The following GRID1 variants were observed in gnomAD, a reference collection of about 807,000 sequenced individuals.
GRID1 encodes glutamate ionotropic receptor delta type subunit 1.
In GRID1, 28 loss-of-function variants were observed where a neutral mutation model predicts 98.0. The observed-to-expected ratio is 0.29, with a 90% confidence interval of 0.21 to 0.39. GRID1 has a LOEUF of 0.39. GRID1 is among the 10% of genes least tolerant of loss of function. The pLI is 1.00. For synonymous variants in GRID1, 553 were observed against 538.5 expected (o/e 1.03, Z -0.37); for missense variants, 1,111 against 1,340.5 (o/e 0.83, Z 2.67).
chr10:85,852,838 G>C (rs191333346), intron 8 of GRID1, among the ~76,000 whole-genome samples: 16 of 152,208 alleles, frequency 1.1e-4, no homozygotes, highest in Middle Eastern at 6.8e-3. Context: ...CTGGCTTCCT[G>C]GACATTGCAG....
intron 2 of GRID1, among the ~76,000 whole-genome samples, chr10:86,324,132 T>C (rs1461015023): frequency 1.3e-5 from 2 of 152,106 alleles, no homozygotes; most frequent in Admixed American, 6.6e-5. Context: ...TGAGCCGAAA[T>C]TGTGCCACTG....
rs1360534043 is a variant in GRID1, at chr10:86,366,700, C to A, written c.-308G>T. ...GCAGCGGCGCTTCCCGCGGCTAGAG[C>A]GGCTTCGGGGGAGGCTGAGGCGGTG... On this transcript the variant is annotated 5_prime_UTR_variant, in exon 1 of 16. Coordinates refer to ENST00000327946, the MANE Select transcript of GRID1 (RefSeq NM_017551.3). The surrounding 1 kb of genome is among the most constrained non-coding windows in gnomAD (Gnocchi z 4.1). 6.7e-6 allele frequency among the ~76,000 whole-genome samples: 1 copy of A among 149,652 alleles called. No homozygotes were observed. Among genetic ancestry groups the A allele is most frequent in the Non-Finnish European group, 1.5e-5 (1 of 66,710 alleles).
chr10:85,655,920 T>C (rs1045207878), intron 12 of GRID1, among the ~76,000 whole-genome samples: 1 of 152,018 alleles, frequency 6.6e-6, no homozygotes, highest in African/African-American at 2.4e-5. Flanking sequence ...TTCCTCACCA[T>C]GAAATTATTT....
intron 5 of GRID1, among the ~76,000 whole-genome samples, chr10:85,896,027 T>A (rs920400043): frequency 1.3e-5 from 2 of 149,490 alleles, no homozygotes; most frequent in African/African-American, 4.9e-5. Context: ...CATTGAAAGT[T>A]CAACATAAGA....
At chr10:85,783,511 C>G (rs149259926) in intron 8 of GRID1, among the ~76,000 whole-genome samples, 6 of 152,258 alleles carry the variant, frequency 3.9e-5, no homozygotes, top group African/African-American at 1.4e-4. Flanking sequence ...TGGCATTGCC[C>G]AGAAACCCAC....
intron 5 of GRID1, among the ~76,000 whole-genome samples, chr10:85,908,060 A>G (rs1841486633): frequency 6.6e-6 from 1 of 152,194 alleles, no homozygotes; most frequent in Non-Finnish European, 1.5e-5. Context: ...TAAACAACTT[A>G]CAGCTAACCT....
At chr10:86,029,487 A>T (rs1342631027) in intron 4 of GRID1, among the ~76,000 whole-genome samples, 1 of 152,192 alleles carries the variant, frequency 6.6e-6, no homozygotes, top group Non-Finnish European at 1.5e-5. Context: ...TCATTCTTGT[A>T]CTTTATGCAA....
In GRID1 at chr10:86,199,424, G is replaced by T. The variant is rs147105902; in HGVS notation, c.520+6940C>A. On this transcript the variant is annotated intron_variant, in intron 3 of 15. Coordinates refer to ENST00000327946, the MANE Select transcript of GRID1 (RefSeq NM_017551.3). Reference sequence around the variant, plus strand: ...ATCAAAAATGCCACAATAAATCTTTGTACATCAAGCAAAGACTCTACCACG... The same window carrying T: ...ATCAAAAATGCCACAATAAATCTTTTTACATCAAGCAAAGACTCTACCACG... Among the ~76,000 whole-genome samples, 958 of 152,214 alleles carry T rather than the reference G, an allele frequency of 6.3e-3. 13 individuals carry two copies. Among genetic ancestry groups the T allele is most frequent in the African/African-American group, 0.022 (914 of 41,552 alleles).
chr10:86,156,012 T>C (rs994139362), intron 3 of GRID1, among the ~76,000 whole-genome samples: 2 of 152,216 alleles, frequency 1.3e-5, no homozygotes, highest in African/African-American at 2.4e-5. Flanking sequence ...CCTTCCTAGC[T>C]GAGCACTGTC....
intron 2 of GRID1, among the ~76,000 whole-genome samples, chr10:86,247,445 T>G (rs1589425391): frequency 6.6e-6 from 1 of 151,780 alleles, no homozygotes; most frequent in Admixed American, 6.6e-5. Context: ...GTTGGCTGGG[T>G]GGGTAGAAAG....
At chr10:86,256,104 T>C (rs1846913823) in intron 2 of GRID1, among the ~76,000 whole-genome samples, 1 of 152,200 alleles carries the variant, frequency 6.6e-6, no homozygotes, top group African/African-American at 2.4e-5. Context: ...TGTGTGAATT[T>C]TGTCTGTGTG....
chr10:85,721,519 T>C (rs1841702713), intron 12 of GRID1, among the ~76,000 whole-genome samples: 1 of 152,218 alleles, frequency 6.6e-6, no homozygotes, highest in Admixed American at 6.5e-5. Flanking sequence ...ATATGTGATA[T>C]AATCAAAGCA....
intron 8 of GRID1, among the ~76,000 whole-genome samples, chr10:85,842,195 G>T (rs1842967161): frequency 6.6e-6 from 1 of 152,016 alleles, no homozygotes; most frequent in Non-Finnish European, 1.5e-5. Flanking sequence ...GGAGCTGGAG[G>T]CCATTATCCT....
chr10:86,294,716 C>T (rs764755943), intron 2 of GRID1, among the ~76,000 whole-genome samples: 79 of 152,272 alleles, frequency 5.2e-4, no homozygotes, highest in Admixed American at 2.0e-3. Context: ...CCAGAGCTAA[C>T]GAGAGAGGCA....
intron 4 of GRID1, among the ~76,000 whole-genome samples, chr10:86,079,715 T>A (rs1469053991): frequency 6.6e-6 from 1 of 152,164 alleles, no homozygotes; most frequent in African/African-American, 2.4e-5. Context: ...AGCACCTCCA[T>A]CATGCGGCTA....
At chr10:86,134,839 T>A (rs1844891891) in intron 4 of GRID1, among the ~76,000 whole-genome samples, 1 of 152,178 alleles carries the variant, frequency 6.6e-6, no homozygotes, top group Admixed American at 6.5e-5. Context: ...CCAGAGGACA[T>A]CACTCTGTCT....
chr10:86,199,525 C>A (rs947405301), intron 3 of GRID1, among the ~76,000 whole-genome samples: 15 of 152,110 alleles, frequency 9.9e-5, no homozygotes, highest in African/African-American at 2.9e-4. Context: ...GCTGGCCAGC[C>A]CCCAACTCTC....
chr10:85,850,615 G>A (rs1474702270), intron 8 of GRID1, among the ~76,000 whole-genome samples: 2 of 152,208 alleles, frequency 1.3e-5, no homozygotes, highest in African/African-American at 4.8e-5. Flanking sequence ...TCAGGCTGGA[G>A]GCTGTGTTTT....
At chr10:86,322,859 A>G (rs1847990080) in intron 2 of GRID1, among the ~76,000 whole-genome samples, 1 of 151,602 alleles carries the variant, frequency 6.6e-6, no homozygotes. Context: ...TGGGAGGCCA[A>G]GGCAGGCAGA....
Sources: allele counts gnomAD v4.1 joint callset (sites outside exome capture counted in the v4.1 genomes callset), GRCh38; gene constraint gnomAD v4.1.1; non-coding constraint Gnocchi (gnomAD v3.1); transcripts MANE v1.5; gene names NCBI Gene and HGNC (gene_info 2026-07-23, HGNC 2026-07-21).